Variants in FHOD3 observed in about 807,000 individuals in gnomAD.
The protein encoded by FHOD3 is FH1/FH2 domain-containing protein 3.
FHOD3 carries 90 observed loss-of-function variants against 173.0 expected under a neutral mutation model. The observed-to-expected ratio is 0.52, with a 90% CI of 0.44 to 0.62. FHOD3 has a LOEUF of 0.62. FHOD3 is among the 20% of genes least tolerant of loss of function. The pLI, the probability that FHOD3 is intolerant of heterozygous loss-of-function variation, is 0.00. For synonymous variants in FHOD3, 828 were observed against 823.0 expected, an observed-to-expected ratio of 1.01 and a Z score of -0.10; for missense variants, 1,945 against 2,034.7, an observed-to-expected ratio of 0.96 and a Z score of 0.85.
At chr18:36,583,515 T>C (rs1459960578) in intron 6 of FHOD3, among the ~76,000 whole-genome samples, 1 of 152,206 alleles carries the variant, frequency 6.6e-6, no homozygotes, top group Non-Finnish European at 1.5e-5. Context: ...AGGAGAAGCC[T>C]CTGGCTGGGG....
In FHOD3 at chr18:36,730,520, T is replaced by C. The variant is rs1228923060; in HGVS notation, c.3418-126T>C. The C allele has an allele frequency of 3.4e-6, 3 of 890,604 alleles. No homozygotes were observed. The African/African-American group carries it at 5.1e-5, about 15-fold the overall frequency. The allele number at this position is 890,604 out of a possible 1,614,324, so 55.2% of individuals were successfully genotyped here. A position where few individuals can be genotyped will look rare whatever the true frequency, so the allele number is the denominator to read the frequency against. ...TTCTGTGCTGAACAGTAGCCAGTCC[T>C]TCTCTGAGCTGAACTGGGGCCATTT... On this transcript the variant is annotated intron_variant, in intron 19 of 28. Coordinates refer to ENST00000590592, the MANE Select transcript of FHOD3 (RefSeq NM_001281740.3).
At chr18:36,409,095 C>T (rs1034192588) in intron 3 of FHOD3, among the ~76,000 whole-genome samples, 10 of 152,106 alleles carry the variant, frequency 6.6e-5, no homozygotes, top group African/African-American at 1.9e-4. Context: ...CTGAGTCTTG[C>T]GGCCCGGCAA....
At chr18:36,512,595 G>T in intron 5 of FHOD3, 52 bp downstream of exon 5, 1 of 1,342,322 alleles carries the variant, frequency 7.4e-7, no homozygotes, top group Non-Finnish European at 1.1e-6. Flanking sequence ...GGGGGATCTG[G>T]GTTCACCTTC....
chr18:36,732,915 T>C (rs2041444039), intron 20 of FHOD3, among the ~76,000 whole-genome samples: 1 of 152,208 alleles, frequency 6.6e-6, no homozygotes, highest in South Asian at 2.1e-4. Flanking sequence ...TGTCTGTCAG[T>C]GCGGCTAAGG....
At chr18:36,423,956 G>A (rs192875466) in intron 3 of FHOD3, among the ~76,000 whole-genome samples, 198 of 152,296 alleles carry the variant, frequency 1.3e-3, no homozygotes, top group Non-Finnish European at 2.4e-3. Context: ...GACAATTTGA[G>A]CATAACGTGG....
intron 1 of FHOD3, among the ~76,000 whole-genome samples, chr18:36,342,895 A>T (rs2045694561): frequency 6.6e-6 from 1 of 152,266 alleles, no homozygotes; most frequent in African/African-American, 2.4e-5. Context: ...AAAGATATAT[A>T]CATGCCCAGT....
intron 17 of FHOD3, among the ~76,000 whole-genome samples, chr18:36,699,694 G>A (rs1449286465): frequency 6.6e-6 from 1 of 151,998 alleles, no homozygotes; most frequent in Non-Finnish European, 1.5e-5. Flanking sequence ...GAACACATTT[G>A]TTCAAAATGA....
chr18:36,760,833 TG>T, intron 27 of FHOD3, 51 bp downstream of exon 27: 2 of 1,532,328 alleles, frequency 1.3e-6, no homozygotes, highest in Non-Finnish European at 8.8e-7. Context: ...TTGGCCGCTC[TG>T]GGGGGGTCCG....
intron 7 of FHOD3, among the ~76,000 whole-genome samples, 153 bp downstream of exon 7, chr18:36,595,051 C>A (rs963344620): frequency 6.6e-6 from 1 of 152,114 alleles, no homozygotes; most frequent in Non-Finnish European, 1.5e-5. Context: ...GGATAGTAAG[C>A]ACACAAAGCT....
chr18:36,346,638 A>G (rs2045891225), intron 1 of FHOD3, among the ~76,000 whole-genome samples: 1 of 151,440 alleles, frequency 6.6e-6, no homozygotes, highest in South Asian at 2.1e-4. Context: ...CCTTCTCTCC[A>G]TTTCCACTGG....
At chr18:36,375,669 T>C (rs1260487688) in intron 3 of FHOD3, among the ~76,000 whole-genome samples, 1 of 152,170 alleles carries the variant, frequency 6.6e-6, no homozygotes, top group Non-Finnish European at 1.5e-5. Flanking sequence ...TGGGTGAGCC[T>C]TTATGGTTAG....
intron 13 of FHOD3, among the ~76,000 whole-genome samples, chr18:36,654,927 T>C (rs2149142056): frequency 6.6e-6 from 1 of 152,298 alleles, no homozygotes; most frequent in Middle Eastern, 3.4e-3. Flanking sequence ...AGGAGCAGCA[T>C]GGGAAGATCC....
intron 14 of FHOD3, among the ~76,000 whole-genome samples, chr18:36,666,466 G>A (rs151170956): frequency 2.0e-5 from 3 of 152,172 alleles, no homozygotes; most frequent in African/African-American, 7.2e-5. Context: ...GTTACCTCTT[G>A]TCCTGTATCA....
At chr18:36,308,794 T>C (rs1398016237) in intron 1 of FHOD3, among the ~76,000 whole-genome samples, 2 of 152,262 alleles carry the variant, frequency 1.3e-5, no homozygotes, top group East Asian at 3.9e-4. Context: ...TTTGCAAGAA[T>C]GTTAAATGGA....
chr18:36,587,214 CATT>C (rs766881559), intron 6 of FHOD3, among the ~76,000 whole-genome samples: 8 of 152,102 alleles, frequency 5.3e-5, no homozygotes, highest in South Asian at 4.1e-4. Context: ...GGTTTCTTCT[CATT>C]GTTGTCATGG....
chr18:36,364,348 A>G (rs1410862551), intron 2 of FHOD3, among the ~76,000 whole-genome samples: 1 of 152,166 alleles, frequency 6.6e-6, no homozygotes, highest in African/African-American at 2.4e-5. Flanking sequence ...CACTCTTACC[A>G]TCTCATCTGT....
intron 7 of FHOD3, among the ~76,000 whole-genome samples, chr18:36,599,305 A>C (rs1302634236): frequency 6.6e-6 from 1 of 152,166 alleles, no homozygotes; most frequent in Non-Finnish European, 1.5e-5. Context: ...AGAGCTTTTG[A>C]AGTAGTTCAA....
chr18:36,449,643 A>G (rs1213980774), intron 3 of FHOD3, among the ~76,000 whole-genome samples: 1 of 152,212 alleles, frequency 6.6e-6, no homozygotes, highest in Non-Finnish European at 1.5e-5. Flanking sequence ...TATACAGCCT[A>G]AAACAACTTT....
intron 3 of FHOD3, among the ~76,000 whole-genome samples, chr18:36,385,621 C>T (rs1313250393): frequency 6.6e-6 from 1 of 152,176 alleles, no homozygotes; most frequent in East Asian, 1.9e-4. Flanking sequence ...AGACTGGTCT[C>T]AAACTCCTGG....
Sources: gnomAD v4.1 joint callset for allele counts (sites outside exome capture counted in the v4.1 genomes callset) on GRCh38, gnomAD v4.1.1 for gene constraint, MANE v1.5 for transcripts, NCBI Gene and HGNC (gene_info 2026-07-23, HGNC 2026-07-21) for gene names.